PHKB: variants seen among roughly 807,000 people sequenced by gnomAD.
PHKB encodes the protein phosphorylase kinase regulatory subunit beta.
In PHKB, 122 loss-of-function variants were observed where a neutral mutation model predicts 152.1. That is an observed-to-expected ratio of 0.80 (90% CI 0.69 to 0.93). The LOEUF is 0.93. Ranked by LOEUF, PHKB falls within the 40% of genes least tolerant of loss-of-function variation. PHKB has a pLI of 0.00. For synonymous variants in PHKB, 436 were observed against 464.9 expected (o/e 0.94, Z 0.80); for missense variants, 1,304 against 1,328.4 (o/e 0.98, Z 0.29).
At chr16:47,518,039 T>C (rs1451281264) in intron 6 of PHKB, among the ~76,000 whole-genome samples, 2 of 152,222 alleles carry the variant, frequency 1.3e-5, no homozygotes, top group African/African-American at 2.4e-5. Flanking sequence ...GTGGTATGAC[T>C]TGGAAGCCTT....
chr16:47,649,752 G>GT (rs1973201446), intron 18 of PHKB, among the ~76,000 whole-genome samples: 1 of 151,980 alleles, frequency 6.6e-6, no homozygotes, highest in Non-Finnish European at 1.5e-5. Context: ...TCTGTGCCTT[G>GT]TTTTCCCATC....
At chr16:47,495,508 C>T (rs757893979) in intron 1 of PHKB, among the ~76,000 whole-genome samples, 5 of 151,940 alleles carry the variant, frequency 3.3e-5, no homozygotes, top group African/African-American at 4.8e-5. Context: ...GAAATGTTAC[C>T]CGCAATTCTT....
At chr16:47,678,694 C>T (rs1294138713) in intron 26 of PHKB, among the ~76,000 whole-genome samples, 112 of 151,886 alleles carry the variant, frequency 7.4e-4, no homozygotes, top group African/African-American at 2.5e-3. Flanking sequence ...GAGTAGGTTG[C>T]AAAAATTTTC....
At chr16:47,523,588 G>A in intron 6 of PHKB, among the ~76,000 whole-genome samples, 1 of 152,184 alleles carries the variant, frequency 6.6e-6, no homozygotes, top group East Asian at 1.9e-4. Flanking sequence ...CCAGAGGTGT[G>A]GGAGTATTAG....
chr16:47,591,718 C>G (rs1385556590), intron 10 of PHKB, among the ~76,000 whole-genome samples: 2 of 152,058 alleles, frequency 1.3e-5, no homozygotes, highest in Admixed American at 6.5e-5. Context: ...AGTGCCCACC[C>G]CCTGTATGCA....
chr16:47,530,330 T>G (rs1002763168), intron 6 of PHKB, among the ~76,000 whole-genome samples: 1 of 152,050 alleles, frequency 6.6e-6, no homozygotes, highest in Non-Finnish European at 1.5e-5. Flanking sequence ...GAGATGTGGT[T>G]TCGCCCACCC....
Position 47,699,278 on chromosome 16 carries a change from C to T in PHKB, c.3194C>T (p.Thr1065Ile). Residue 1065 changes from threonine to isoleucine, a missense_variant, in exon 31 of 31, where the codon ACA becomes ATA. By Grantham distance (89) the Thr-to-Ile change is moderately conservative (BLOSUM62 -1). Transcript: ENST00000323584. ...YNTPPLGKRG[T>I]CSYLTKAVMN... The stretch of plus-strand genomic sequence containing the variant: ...ACTCCTCCCCTGGGAAAAAGAGGAA[C>T]ATGCAGCTATTTGACAAAGGCGGTG... 6.2e-7 allele frequency: 1 copy of T among 1,613,998 alleles called. No homozygotes were observed. Among genetic ancestry groups the T allele is most frequent in the Non-Finnish European group, 8.5e-7 (1 of 1,179,880 alleles).
At chr16:47,468,595 G>C (rs1969710098) in intron 1 of PHKB, among the ~76,000 whole-genome samples, 1 of 152,260 alleles carries the variant, frequency 6.6e-6, no homozygotes, top group African/African-American at 2.4e-5. Flanking sequence ...GGAGGTTGCA[G>C]TGAGCTGAGA....
At chr16:47,624,822 T>C (rs1391129181) in intron 14 of PHKB, among the ~76,000 whole-genome samples, 1 of 152,204 alleles carries the variant, frequency 6.6e-6, no homozygotes, top group African/African-American at 2.4e-5. Context: ...CTCCTTGTAA[T>C]GCACAGTCTG....
At chr16:47,578,082 C>T (rs1460544541) in intron 7 of PHKB, among the ~76,000 whole-genome samples, 1 of 152,064 alleles carries the variant, frequency 6.6e-6, no homozygotes, top group African/African-American at 2.4e-5. Flanking sequence ...TTTATTCTTT[C>T]CTCTGTCCTC....
intron 7 of PHKB, among the ~76,000 whole-genome samples, chr16:47,564,939 G>A (rs1024057245): frequency 6.7e-6 from 1 of 150,044 alleles, no homozygotes; most frequent in East Asian, 1.9e-4. Flanking sequence ...TGTTTATTCT[G>A]TTCCATTGGT....
At chr16:47,588,401 C>T (rs1469185524) in intron 9 of PHKB, among the ~76,000 whole-genome samples, 1 of 149,938 alleles carries the variant, frequency 6.7e-6, no homozygotes, top group African/African-American at 2.5e-5. Flanking sequence ...TATATGTTTT[C>T]ACTTATTTTT....
intron 12 of PHKB, among the ~76,000 whole-genome samples, chr16:47,595,098 A>G (rs997280417): frequency 6.6e-6 from 1 of 152,236 alleles, no homozygotes; most frequent in Non-Finnish European, 1.5e-5. Context: ...TCACTTGTCC[A>G]ATGTGAGAAA....
chr16:47,497,048 A>G (rs1328278709), intron 1 of PHKB, among the ~76,000 whole-genome samples: 1 of 152,220 alleles, frequency 6.6e-6, no homozygotes, highest in Non-Finnish European at 1.5e-5. Flanking sequence ...TTATGGTCCC[A>G]TAATTAGACA....
chr16:47,697,637 G>A (rs959134267), intron 29 of PHKB, among the ~76,000 whole-genome samples: 7 of 152,088 alleles, frequency 4.6e-5, no homozygotes, highest in Non-Finnish European at 8.8e-5. Context: ...TTGAAGCATC[G>A]AGATAAAATA....
chr16:47,605,226 G>T (rs1972301400), intron 13 of PHKB, among the ~76,000 whole-genome samples: 1 of 152,152 alleles, frequency 6.6e-6, no homozygotes, highest in Non-Finnish European at 1.5e-5. Context: ...AGGTGCTGGT[G>T]GCTCTGCTAG....
At chr16:47,667,552 AC>A in intron 25 of PHKB, among the ~76,000 whole-genome samples, 2 of 152,326 alleles carry the variant, frequency 1.3e-5, no homozygotes, top group African/African-American at 4.8e-5. Context: ...GCTAAAACAG[AC>A]CAAAATACAG....
chr16:47,552,844 G>A (rs1024545623), intron 7 of PHKB, among the ~76,000 whole-genome samples: 2 of 151,570 alleles, frequency 1.3e-5, no homozygotes, highest in Non-Finnish European at 1.5e-5. Flanking sequence ...AAAAAACAAA[G>A]AATGTTGAAT....
intron 26 of PHKB, among the ~76,000 whole-genome samples, chr16:47,671,193 C>T (rs1485827456): frequency 6.6e-6 from 1 of 152,180 alleles, no homozygotes; most frequent in African/African-American, 2.4e-5. Context: ...TACCTTTCTC[C>T]ATCTGTCATT....
Sources: gnomAD v4.1 joint callset for allele counts (sites outside exome capture counted in the v4.1 genomes callset) on GRCh38, gnomAD v4.1.1 for gene constraint, MANE v1.5 for transcripts, NCBI Gene and HGNC (gene_info 2026-07-23, HGNC 2026-07-21) for gene names.